SBF1: variants seen among roughly 807,000 people sequenced by gnomAD.
SBF1 encodes the protein SET binding factor 1.
SBF1 carries 65 observed loss-of-function variants against 215.8 expected under a neutral mutation model. The ratio of observed to expected loss-of-function variants is 0.30; its 90% CI spans 0.25 to 0.37. The LOEUF is 0.37. Ranked by LOEUF, SBF1 falls within the 10% of genes least tolerant of loss-of-function variation. SBF1 has a pLI of 1.00. For missense variants in SBF1, 2,634 were observed against 2,667.8 expected (o/e 0.99, Z 0.28); for synonymous variants, 1,410 against 1,122.8 (o/e 1.26, Z -5.11).
At position 50,446,377 on chromosome 22, in the gene SBF1, C is replaced by CCGGGTCT. The variant is rs59403049; in HGVS notation, c.*764_*765insAGACCCG. The stretch of plus-strand genomic sequence containing the variant: ...ACTGTCCCCCCCCCCCCCCCGCCTC[C>CCGGGTCT]GGCCTCCATCCCTTCAGCTCGGGTC... On this transcript the variant is annotated 3_prime_UTR_variant, in exon 41 of 41. Transcript: ENST00000380817. 0.072 allele frequency: 8,067 copies of CCGGGTCT among 111,440 alleles called. 919 individuals carry two copies. The highest frequency in any genetic ancestry group is 0.14 in the East Asian group (519 of 3,680). 6.9% of individuals were successfully genotyped at this position (111,440 alleles called of 1,614,324 possible).
Position 50,465,855 on chromosome 22 carries a change from T to G in SBF1, c.1012-15A>C, listed in dbSNP as rs944236546. On this transcript the variant is annotated splice_polypyrimidine_tract_variant and intron_variant, in intron 9 of 40. Coordinates refer to ENST00000380817, the MANE Select transcript of SBF1 (RefSeq NM_002972.4). ...GGGTCCAGGACCTGCCAGCACAGAA[T>G]GGAGCAGGCAGCTGCACGCTGGCCC... The G allele has an allele frequency of 1.2e-6, 2 of 1,613,012 alleles. 1 individual carries two copies. The highest frequency in any genetic ancestry group is 2.2e-5 in the South Asian group (2 of 91,028).
intron 1 of SBF1, among the ~76,000 whole-genome samples, chr22:50,470,083 C>A (rs1421432573): frequency 6.6e-6 from 1 of 151,854 alleles, no homozygotes; most frequent in Non-Finnish European, 1.5e-5. Context: ...CTCCACACCC[C>A]CAAGGACAGC....
rs770691335 is a variant in SBF1 at position 50,468,368 on chromosome 22, C to T, written c.141+8G>A. On this transcript the variant is annotated splice_region_variant and intron_variant, in intron 2 of 40. Coordinates refer to ENST00000380817, the MANE Select transcript of SBF1 (RefSeq NM_002972.4). ...TGCCAGCACCGTCTCAGCACGCCCC[C>T]AACTCACCAGCTCGATGCCCTGGGG... The T allele has an allele frequency of 3.1e-6, 5 of 1,612,308 alleles. No homozygotes were observed. In the South Asian group the frequency reaches 4.4e-5, roughly 14 times the overall value.
chr22:50,473,569 G>A (rs530924079), intron 1 of SBF1, among the ~76,000 whole-genome samples: 29 of 152,244 alleles, frequency 1.9e-4, no homozygotes, highest in African/African-American at 6.3e-4. Flanking sequence ...TGAGTAAGAG[G>A]GCACTGAGGA....
rs200704106 is a variant in SBF1 at position 50,460,597 on chromosome 22, A to C, written c.3083T>G (p.Leu1028Trp). Residue 1028 changes from leucine (L) to tryptophan (W), a missense_variant, in exon 24 of 41, where the codon TTG becomes TGG. By Grantham distance (61) the Leu-to-Trp change is moderately conservative (BLOSUM62 -2). Coordinates refer to ENST00000380817, the MANE Select transcript of SBF1 (RefSeq NM_002972.4). ...PDIRATFAFT[L>W]GSAHTPGRPP... ...CCGGCCAGGTGTGTGGGCAGAGCCCAAGGTGAACGCAAAGGTGGCCCTGAT... is the reference window on the plus strand; with the variant it reads ...CCGGCCAGGTGTGTGGGCAGAGCCCCAGGTGAACGCAAAGGTGGCCCTGAT... 11 of 1,613,998 alleles carry C rather than the reference A, an allele frequency of 6.8e-6. No homozygotes were observed. The highest frequency in any genetic ancestry group is 1.7e-5 in the Admixed American group (1 of 60,008).
intron 5 of SBF1, 119 bp downstream of exon 5, chr22:50,467,219 C>T: frequency 1.3e-6 from 1 of 799,894 alleles, no homozygotes; most frequent in Non-Finnish European, 2.0e-6. Context: ...CACGAGGACG[C>T]AAGAGGGAGC....
chr22:50,474,870 GC>G lies in SBF1; in HGVS notation c.-31del. ...AGGGACGCGGGGCGGCCCGAGGGGCGCGGGCGGGCTCCGCGGCTCGGGGACT... is the reference window on the plus strand; with the variant it reads ...AGGGACGCGGGGCGGCCCGAGGGGCGGGGCGGGCTCCGCGGCTCGGGGACT... On this transcript the variant is annotated 5_prime_UTR_variant, in exon 1 of 41. Transcript: ENST00000380817. The G allele has an allele frequency of 7.4e-7, 1 of 1,354,492 alleles. No homozygotes were observed. Among genetic ancestry groups the G allele is most frequent in the Non-Finnish European group, 9.5e-7 (1 of 1,056,744 alleles). 83.9% of individuals were successfully genotyped at this position (1,354,492 alleles called of 1,614,324 possible). A position where few individuals can be genotyped will look rare whatever the true frequency, so the allele number is the denominator to read the frequency against.
intron 17 of SBF1, 23 bp downstream of exon 17, chr22:50,462,847 A>G: frequency 6.2e-7 from 1 of 1,612,066 alleles, no homozygotes; most frequent in Non-Finnish European, 8.5e-7. Context: ...TGGGAAGGAG[A>G]CCTCAGCCAT....
chr22:50,463,537 G>C, intron 15 of SBF1, 105 bp from the exon 16 acceptor site: 1 of 1,282,872 alleles, frequency 7.8e-7, no homozygotes, highest in South Asian at 1.5e-5. Flanking sequence ...TGCCTTTCAG[G>C]TGGGGTGTGC....
At position 50,461,611 on chromosome 22, in the gene SBF1, A is replaced by G. The variant is rs2148588902; in HGVS notation, c.2751T>C (p.Ala917=). The G allele has an allele frequency of 6.2e-7, 1 of 1,611,970 alleles. No individual in the cohort carries two copies. The highest frequency in any genetic ancestry group is 1.1e-5 in the South Asian group (1 of 91,052). ...DGREEGAGGS[A]GGPALLPAEG... Reference sequence around the variant, plus strand: ...CAGCTGGGAGCAATGCTGGTCCCCCAGCACTGCCCCCCGCGCCCTCCTCAC... The same window carrying G: ...CAGCTGGGAGCAATGCTGGTCCCCCGGCACTGCCCCCCGCGCCCTCCTCAC... Residue 917 remains alanine (A), a synonymous_variant, in exon 22 of 41, where the codon GCT becomes GCC. Transcript: ENST00000380817.
intron 1 of SBF1, among the ~76,000 whole-genome samples, chr22:50,469,665 C>T (rs1211472301): frequency 1.3e-5 from 2 of 152,312 alleles, no homozygotes; most frequent in Middle Eastern, 3.4e-3. Context: ...GCCTCTACAC[C>T]GCCACCCACC....
rs376701851 is a variant in SBF1, at chr22:50,461,771, C to T, written c.2643+25G>A. ...GGATGCAGCCCGGGCCTTGGGCCCC[C>T]GCAGCCCCAACGGCCCCCGCAAACC... On this transcript the variant is annotated intron_variant, in intron 21 of 40. Transcript: ENST00000380817. The T allele has an allele frequency of 7.4e-5, 120 of 1,611,894 alleles. No individual in the cohort carries two copies. The African/African-American group carries it at 1.3e-3, about 18-fold the overall frequency.
rs200852838 is a variant in SBF1, at chr22:50,459,482, C to G, written c.3676G>C (p.Ala1226Pro). Residue 1226 changes from alanine to proline, a missense_variant, in exon 27 of 41, where the codon GCA becomes CCA. Coordinates refer to ENST00000380817, the MANE Select transcript of SBF1 (RefSeq NM_002972.4). Reference sequence around the variant, plus strand: ...ACGCAGGAGGTACCTGGAGAAGGTGCGTTCTGGGCCTTGAAGAGGCCGACG... The same window carrying G: ...ACGCAGGAGGTACCTGGAGAAGGTGGGTTCTGGGCCTTGAAGAGGCCGACG... ...GVVGLFKAQN[A>P]PSPGQSQADS... The G allele has an allele frequency of 1.2e-6, 2 of 1,610,304 alleles. No homozygotes were observed. The highest frequency in any genetic ancestry group is 4.5e-5 in the East Asian group (2 of 44,878).
Position 50,454,663 on chromosome 22 carries a change from G to A in SBF1, c.4892C>T (p.Pro1631Leu), listed in dbSNP as rs1292873154. Reference sequence around the variant, plus strand: ...CCCCTGGGCCAGTTCCCAGTCATAGGGAGGGCCCTCGGCCAGCGTCTCCTC... The same window carrying A: ...CCCCTGGGCCAGTTCCCAGTCATAGAGAGGGCCCTCGGCCAGCGTCTCCTC... ...YTEETLAEGPPYDWELAQGPP... is the reference protein window; with the variant it reads ...YTEETLAEGPLYDWELAQGPP... The change falls in exon 36 of 41, where the codon CCC becomes CTC. Residue 1631 changes from proline to leucine, a missense_variant. Transcript: ENST00000380817. 2.5e-6 allele frequency: 4 copies of A among 1,583,840 alleles called. No homozygotes were observed. Among genetic ancestry groups the A allele is most frequent in the Middle Eastern group, 3.5e-4 (2 of 5,686 alleles).
At position 50,456,269 on chromosome 22, in the gene SBF1, G is replaced by T; in HGVS notation, c.4213C>A (p.Pro1405Thr). The change falls in exon 31 of 41, where the codon CCC becomes ACC. Residue 1405 changes from proline to threonine, a missense_variant. Pro to Thr is a conservative substitution (Grantham distance 38). Transcript: ENST00000380817. ...ACVPGCPAAE[P>T]SPASFLRSLE... is the part of the protein sequence containing the mutation. ...GAGCGCAGGAAGGAGGCTGGGCTGGGCTCAGCAGCGGGGCAGCCTGGGACA... is the reference window on the plus strand; with the variant it reads ...GAGCGCAGGAAGGAGGCTGGGCTGGTCTCAGCAGCGGGGCAGCCTGGGACA... 6.2e-7 allele frequency: 1 copy of T among 1,612,734 alleles called. No individual in the cohort carries two copies. The highest frequency in any genetic ancestry group is 2.2e-5 in the East Asian group (1 of 44,874).
Position 50,459,613 on chromosome 22 carries a change from C to T in SBF1, c.3545G>A (p.Arg1182His), listed in dbSNP as rs774358027. The change falls in exon 27 of 41, where the codon CGC becomes CAC. Residue 1182 changes from arginine (R) to histidine (H), a missense_variant. By Grantham distance (29) the Arg-to-His change is conservative. Coordinates refer to ENST00000380817, the MANE Select transcript of SBF1 (RefSeq NM_002972.4). Reference protein sequence around the residue: ...PQSVQDNALQRVSRCYRQNRF... With the variant: ...PQSVQDNALQHVSRCYRQNRF... ...GTTCTGGCGGTAGCAGCGGGACACG[C>T]GCTGCAGGGCGTTGTCCTGGACACT... is the stretch of plus-strand genomic sequence containing the variant. 3.7e-6 allele frequency: 6 copies of T among 1,609,540 alleles called. No homozygotes were observed. Among genetic ancestry groups the T allele is most frequent in the Non-Finnish European group, 4.2e-6 (5 of 1,178,808 alleles).
chr22:50,451,944 C>A (rs1465202321), intron 36 of SBF1, among the ~76,000 whole-genome samples: 3 of 151,740 alleles, frequency 2.0e-5, no homozygotes, highest in African/African-American at 7.3e-5. Flanking sequence ...TTACAGGCAC[C>A]CGCCACCATG....
At chr22:50,447,820 G>T (rs768997573) in intron 38 of SBF1, among the ~76,000 whole-genome samples, 7 of 152,220 alleles carry the variant, frequency 4.6e-5, no homozygotes, top group Non-Finnish European at 1.0e-4. Context: ...CGCCCAGAAA[G>T]GAGACAGTGA....
At chr22:50,467,115 T>A (rs769601530) in intron 5 of SBF1, 14 of 594,806 alleles carry the variant, frequency 2.4e-5, no homozygotes, top group Non-Finnish European at 3.6e-5. Context: ...GCACACACCA[T>A]CAAAGGAGTG....
Sources: allele counts gnomAD v4.1 joint callset (sites outside exome capture counted in the v4.1 genomes callset), GRCh38; gene constraint gnomAD v4.1.1; transcripts MANE v1.5; gene names NCBI Gene and HGNC (gene_info 2026-07-23, HGNC 2026-07-21).